Variants in MGLL observed in about 807,000 individuals in gnomAD.
MGLL encodes lysophospholipase homolog.
MGLL carries 7 observed loss-of-function variants against 29.1 expected under a neutral mutation model. That is an observed-to-expected ratio of 0.24 (90% CI 0.14 to 0.45). The LOEUF is 0.45. Ranked by LOEUF, MGLL falls within the 20% of genes least tolerant of loss-of-function variation. The probability of loss-of-function intolerance (pLI) is 0.99; values close to 1 mark genes in which losing one functional copy is unlikely to be tolerated. For synonymous variants in MGLL, 148 were observed against 168.3 expected (o/e 0.88, Z 0.93); for missense variants, 356 against 413.6 (o/e 0.86, Z 1.21).
At chr3:127,742,209 T>C (rs542397757) in intron 3 of MGLL, among the ~76,000 whole-genome samples, 49 of 152,110 alleles carry the variant, frequency 3.2e-4, no homozygotes, top group Non-Finnish European at 6.3e-4. Context: ...AGCACGGGAG[T>C]TACCATTTGA....
chr3:127,788,479 A>G (rs762660405), intron 2 of MGLL, among the ~76,000 whole-genome samples: 2 of 152,036 alleles, frequency 1.3e-5, no homozygotes, highest in Admixed American at 1.3e-4. Flanking sequence ...ATAAGACAAC[A>G]CCACGTAATG....
intron 7 of MGLL, among the ~76,000 whole-genome samples, chr3:127,694,305 A>ATG (rs1383758682): frequency 2.5e-4 from 31 of 125,710 alleles, no homozygotes; most frequent in African/African-American, 7.6e-4. Flanking sequence ...ATATATATAT[A>ATG]TATGTATGTG....
chr3:127,797,615 AC>A (rs1276816797), intron 2 of MGLL, among the ~76,000 whole-genome samples: 1 of 152,062 alleles, frequency 6.6e-6, no homozygotes, highest in Non-Finnish European at 1.5e-5. Flanking sequence ...ATAAAAATCA[AC>A]TTTTTTTTTG....
At chr3:127,765,216 T>C (rs994772058) in intron 3 of MGLL, among the ~76,000 whole-genome samples, 12 of 152,246 alleles carry the variant, frequency 7.9e-5, no homozygotes, top group African/African-American at 2.7e-4. Context: ...TGACTTTTTT[T>C]CTCCTCCAAC....
intron 2 of MGLL, among the ~76,000 whole-genome samples, chr3:127,801,302 CAAAA>C (rs1167832631): frequency 1.8e-5 from 1 of 55,054 alleles, no homozygotes; most frequent in Non-Finnish European, 3.8e-5. Flanking sequence ...AACTCCATCT[CAAAA>C]AAAAAAAAAA....
At chr3:127,721,275 G>T in intron 4 of MGLL, 112 bp from the exon 5 acceptor site, 1 of 852,584 alleles carries the variant, frequency 1.2e-6, no homozygotes, top group Non-Finnish European at 1.9e-6. Context: ...CAAGAGCCCT[G>T]AGGAGGACTA....
intron 7 of MGLL, among the ~76,000 whole-genome samples, chr3:127,694,283 AAAAATATATATAT>A (rs1324112944): frequency 8.6e-6 from 1 of 116,746 alleles, no homozygotes; most frequent in African/African-American, 3.1e-5. Flanking sequence ...AAAAAAAAAA[AAAAATATATATAT>A]ATATATATAT....
intron 2 of MGLL, among the ~76,000 whole-genome samples, chr3:127,812,679 C>G (rs901288184): frequency 1.6e-4 from 24 of 152,168 alleles, no homozygotes; most frequent in African/African-American, 4.3e-4. Context: ...AACGATGGTG[C>G]AGGGAGATGA....
chr3:127,730,069 C>T (rs1559929369), intron 3 of MGLL, among the ~76,000 whole-genome samples: 3 of 152,190 alleles, frequency 2.0e-5, no homozygotes, highest in African/African-American at 7.2e-5. Flanking sequence ...TATTCAGGCT[C>T]AAAACAGGGC....
At chr3:127,733,947 C>A (rs995056906) in intron 3 of MGLL, among the ~76,000 whole-genome samples, 1 of 152,236 alleles carries the variant, frequency 6.6e-6, no homozygotes, top group Non-Finnish European at 1.5e-5. Flanking sequence ...GGCAGCCGAG[C>A]CCCTCCAGCC....
At chr3:127,781,763 C>T (rs772282464) in intron 3 of MGLL, 26 bp downstream of exon 3, 1 of 1,608,806 alleles carries the variant, frequency 6.2e-7, no homozygotes, top group Non-Finnish European at 8.5e-7. Flanking sequence ...GCCCAGCCAG[C>T]TCTGACGGCA....
intron 1 of MGLL, chr3:127,822,057 G>A (rs2077871308): frequency 1.5e-6 from 1 of 655,268 alleles, no homozygotes; most frequent in East Asian, 2.8e-5. Flanking sequence ...TATTTTTTAA[G>A]TGCCTCATTA....
At chr3:127,821,897 G>A (rs1219546477) in intron 1 of MGLL, 59 bp from the exon 2 acceptor site, 3 of 1,548,828 alleles carry the variant, frequency 1.9e-6, no homozygotes, top group Non-Finnish European at 1.8e-6. Context: ...TGTATGGATA[G>A]GAGAGAAAAG....
chr3:127,793,832 G>A (rs1385395436), intron 2 of MGLL, among the ~76,000 whole-genome samples: 1 of 152,198 alleles, frequency 6.6e-6, no homozygotes, highest in African/African-American at 2.4e-5. Context: ...AAAGTGCTGG[G>A]ATTACAGGCG....
chr3:127,787,699 G>T (rs945662445), intron 2 of MGLL, among the ~76,000 whole-genome samples: 8 of 152,226 alleles, frequency 5.3e-5, no homozygotes, highest in African/African-American at 1.9e-4. Context: ...TGGGAGCATC[G>T]CCTGCCGCTC....
chr3:127,730,165 T>C (rs497423), intron 3 of MGLL, among the ~76,000 whole-genome samples: 133,174 of 152,226 alleles, frequency 0.87, 58,347 homozygotes, highest in Middle Eastern at 0.95. Context: ...CTTCTTTGCA[T>C]GTTATATCCC....
At chr3:127,759,099 G>A (rs942563593) in intron 3 of MGLL, among the ~76,000 whole-genome samples, 4 of 151,872 alleles carry the variant, frequency 2.6e-5, no homozygotes, top group South Asian at 2.1e-4. Flanking sequence ...GCTAATTTTT[G>A]TATTTAGTAG....
At chr3:127,771,428 A>G (rs867828763) in intron 3 of MGLL, among the ~76,000 whole-genome samples, 5 of 152,210 alleles carry the variant, frequency 3.3e-5, no homozygotes, top group Admixed American at 2.0e-4. Flanking sequence ...AGCTCACTGC[A>G]GCCTTGACCT....
At chr3:127,692,426 C>A in intron 7 of MGLL, 103 bp from the exon 8 acceptor site, 1 of 1,471,664 alleles carries the variant, frequency 6.8e-7, no homozygotes, top group Non-Finnish European at 9.4e-7. Flanking sequence ...TTCTCCGGAC[C>A]CTCTCCCTAT....
Sources: gnomAD v4.1 joint callset for allele counts (sites outside exome capture counted in the v4.1 genomes callset) on GRCh38, gnomAD v4.1.1 for gene constraint, MANE v1.5 for transcripts, NCBI Gene and HGNC (gene_info 2026-07-23, HGNC 2026-07-21) for gene names.